Variants in PIWIL2 observed in about 807,000 individuals in gnomAD.
The protein encoded by PIWIL2 is piwi like RNA-mediated gene silencing 2, also known as piwi-like protein 2.
PIWIL2 carries 81 observed loss-of-function variants against 116.5 expected under a neutral mutation model. The ratio of observed to expected loss-of-function variants is 0.70; its 90% CI spans 0.58 to 0.84. The LOEUF (loss-of-function observed/expected upper bound fraction) is 0.84, where lower values mean the gene tolerates loss of function less well. Ranked by LOEUF, PIWIL2 falls within the 40% of genes least tolerant of loss-of-function variation. The pLI, the probability that PIWIL2 is intolerant of heterozygous loss-of-function variation, is 0.00. For missense variants in PIWIL2, 1,272 were observed against 1,212.3 expected (o/e 1.05, Z -0.73); for synonymous variants, 489 against 429.5 (o/e 1.14, Z -1.71).
rs149176614 is a variant in PIWIL2, at chr8:22,281,342, C to T, written c.287-35C>T. On this transcript the variant is annotated intron_variant, in intron 3 of 22. Transcript: ENST00000356766. ...ACTATACTTTAAAACACGTTTAAGT[C>T]ATAGTCATTGCTGGGGTTCGGTTCT... The T allele has an allele frequency of 1.9e-3, 3,087 of 1,594,454 alleles. 65 individuals carry two copies. The African/African-American group carries it at 0.036, about 19-fold the overall frequency.
At chr8:22,296,398 CT>C (rs1830908465) in intron 10 of PIWIL2, among the ~76,000 whole-genome samples, 1 of 152,296 alleles carries the variant, frequency 6.6e-6, no homozygotes, top group South Asian at 2.1e-4. Context: ...ATAACTGCTG[CT>C]TTCTTGATTT....
chr8:22,307,781 C>A, intron 13 of PIWIL2, 152 bp from the exon 14 acceptor site: 2 of 596,824 alleles, frequency 3.4e-6, no homozygotes, highest in Non-Finnish European at 5.9e-6. Context: ...ATTCACCTTC[C>A]TAAGAGATAT....
At chr8:22,306,092 C>T (rs1353639475) in intron 13 of PIWIL2, 76 bp downstream of exon 13, 14 of 996,094 alleles carry the variant, frequency 1.4e-5, no homozygotes, top group East Asian at 1.2e-4. Flanking sequence ...GAGTTAGAAC[C>T]GAGCCACGTT....
chr8:22,330,313 T>C (rs992446295), intron 20 of PIWIL2, among the ~76,000 whole-genome samples: 1 of 152,178 alleles, frequency 6.6e-6, no homozygotes, highest in Non-Finnish European at 1.5e-5. Context: ...TTCTGTGCCT[T>C]TATTGATAGT....
intron 20 of PIWIL2, among the ~76,000 whole-genome samples, chr8:22,339,160 A>G (rs991218905): frequency 6.6e-6 from 1 of 152,196 alleles, no homozygotes; most frequent in Non-Finnish European, 1.5e-5. Flanking sequence ...TCTTCTTTAC[A>G]CAGTATACAA....
At chr8:22,329,253 T>C (rs1831803043) in intron 20 of PIWIL2, among the ~76,000 whole-genome samples, 2 of 152,242 alleles carry the variant, frequency 1.3e-5, no homozygotes, top group Admixed American at 6.5e-5. Flanking sequence ...TTAATTTTAA[T>C]AGTTGTGTCA....
intron 4 of PIWIL2, among the ~76,000 whole-genome samples, chr8:22,282,673 C>G (rs1403925237): frequency 1.2e-4 from 19 of 152,102 alleles, no homozygotes; most frequent in Admixed American, 1.2e-3. Flanking sequence ...TCACTGCAGC[C>G]TCGACCTCCC....
chr8:22,279,667 G>A, intron 2 of PIWIL2, 83 bp downstream of exon 2: 1 of 1,307,100 alleles, frequency 7.7e-7, no homozygotes, highest in South Asian at 1.2e-5. Context: ...CAAAGTGCTT[G>A]CAGGGCTGGG....
At chr8:22,321,740 C>T (rs1831604443) in intron 20 of PIWIL2, 1 of 252,398 alleles carries the variant, frequency 4.0e-6, no homozygotes, top group African/African-American at 2.3e-5. Context: ...TTGATCATGC[C>T]TCTCCCAGAG....
intron 16 of PIWIL2, 67 bp downstream of exon 16, chr8:22,311,367 T>C: frequency 3.9e-6 from 5 of 1,275,642 alleles, no homozygotes; most frequent in Non-Finnish European, 5.6e-6. Flanking sequence ...TTAATTTTAA[T>C]GTATCATGGT....
chr8:22,353,759 TACCAC>T (rs1832426541), intron 21 of PIWIL2, among the ~76,000 whole-genome samples: 1 of 142,640 alleles, frequency 7.0e-6, no homozygotes, highest in African/African-American at 2.6e-5. Context: ...AGGGAGTTTC[TACCAC>T]TTTTTTTTTT....
chr8:22,310,350 C>G (rs1350592600), intron 15 of PIWIL2, among the ~76,000 whole-genome samples: 1 of 152,152 alleles, frequency 6.6e-6, no homozygotes, highest in Non-Finnish European at 1.5e-5. Context: ...CTTTCTTTCT[C>G]TTTTCCCCCT....
chr8:22,330,275 G>C (rs1198071376), intron 20 of PIWIL2, among the ~76,000 whole-genome samples: 1 of 151,920 alleles, frequency 6.6e-6, no homozygotes, highest in African/African-American at 2.4e-5. Flanking sequence ...TCTCACTCCT[G>C]AATTTCTATT....
chr8:22,354,266 C>CCTAG lies in PIWIL2; in HGVS notation c.2658-4_2658-1dup. On this transcript the variant is annotated splice_polypyrimidine_tract_variant and splice_region_variant and intron_variant, in intron 21 of 22. Transcript: ENST00000356766. The stretch of plus-strand genomic sequence containing the variant: ...ATTTCACTGATTTATGGTTTTCCTT[C>CCTAG]CTAGGGTGGATTTCTATCTTCTTGC... 6.3e-7 allele frequency: 1 copy of CCTAG among 1,591,896 alleles called. No individual in the cohort carries two copies. The highest frequency in any genetic ancestry group is 1.3e-5 in the African/African-American group (1 of 74,650).
At chr8:22,321,890 C>A in intron 20 of PIWIL2, 2 of 985,172 alleles carry the variant, frequency 2.0e-6, no homozygotes, top group Non-Finnish European at 2.4e-6. Flanking sequence ...CGAACAGTTG[C>A]CGCCTTACAC....
rs749851044 is a variant in PIWIL2 at position 22,309,982 on chromosome 8, A to G, written c.1708A>G (p.Met570Val). The G allele has an allele frequency of 6.2e-6, 10 of 1,606,708 alleles. No homozygotes were observed. Among genetic ancestry groups the G allele is most frequent in the East Asian group, 2.2e-5 (1 of 44,828 alleles). ...TTAGATTGAAGGACGTGTTCTGCCA[A>G]TGGAAAGAATTAACTTAAAAAATAC... ...VHKIEGRVLP[M>V]ERINLKNTSF... Residue 570 changes from methionine (M) to valine (V), a missense_variant, in exon 15 of 23, where the codon ATG becomes GTG. Coordinates refer to ENST00000356766, the MANE Select transcript of PIWIL2 (RefSeq NM_018068.5).
At chr8:22,319,319 G>A (rs1369562774) in intron 20 of PIWIL2, among the ~76,000 whole-genome samples, 1 of 151,990 alleles carries the variant, frequency 6.6e-6, no homozygotes, top group Non-Finnish European at 1.5e-5. Context: ...TTTAAAGTCT[G>A]TCTCCAGCAA....
At chr8:22,310,141 G>A (rs1831293020) in intron 15 of PIWIL2, 67 bp downstream of exon 15, 2 of 841,008 alleles carry the variant, frequency 2.4e-6, no homozygotes, top group South Asian at 2.9e-5. Context: ...TAGGAAGCAG[G>A]AATGATCTAG....
rs58646327 is a variant in PIWIL2, at chr8:22,355,104, A to C, written c.2766-245A>C. On this transcript the variant is annotated intron_variant, in intron 22 of 22. Transcript: ENST00000356766. ...ACAAAACAAAAAACAACAACAACAA[A>C]AAAAAAACAGGGAAATGCCTCAATT... Among the ~76,000 whole-genome samples, 984 of 152,062 alleles carry C rather than the reference A, an allele frequency of 6.5e-3. 6 individuals are homozygous for C. Among genetic ancestry groups the C allele is most frequent in the African/African-American group, 0.021 (881 of 41,494 alleles).
Sources: gnomAD v4.1 joint callset for allele counts (sites outside exome capture counted in the v4.1 genomes callset) on GRCh38, gnomAD v4.1.1 for gene constraint, MANE v1.5 for transcripts, NCBI Gene and HGNC (gene_info 2026-07-23, HGNC 2026-07-21) for gene names.